ATP10A: variants seen among roughly 807,000 people sequenced by gnomAD.
The protein encoded by ATP10A is ATPase phospholipid transporting 10A (putative).
In ATP10A, 111 loss-of-function variants were observed where a neutral mutation model predicts 147.8. The ratio of observed to expected loss-of-function variants is 0.75; its 90% CI spans 0.64 to 0.88. ATP10A has a LOEUF of 0.88. ATP10A is among the 40% of genes least tolerant of loss of function. The probability of loss-of-function intolerance (pLI) is 0.00; values close to 1 mark genes in which losing one functional copy is unlikely to be tolerated. For synonymous variants in ATP10A, 875 were observed against 841.6 expected (o/e 1.04, Z -0.69); for missense variants, 1,927 against 1,959.0 (o/e 0.98, Z 0.31).
rs148653730 is a variant in ATP10A at position 25,693,638 on chromosome 15, A to G, written c.3088+1181T>C. On this transcript the variant is annotated intron_variant, in intron 14 of 20. Transcript: ENST00000555815. ...GTTTCCAGCTCCTCAGGGAAACCTG[A>G]GGGCCACCCCAGGCACATGAAGGCA... 6.8e-3 allele frequency among the ~76,000 whole-genome samples: 1,032 copies of G among 152,316 alleles called. 15 individuals carry two copies. The highest frequency in any genetic ancestry group is 0.024 in the African/African-American group (988 of 41,580).
At chr15:25,800,803 C>T (rs2140780260) in intron 1 of ATP10A, among the ~76,000 whole-genome samples, 1 of 152,286 alleles carries the variant, frequency 6.6e-6, no homozygotes, top group East Asian at 1.9e-4. Context: ...ACTATTTTAA[C>T]CATGTCTTTC....
intron 10 of ATP10A, among the ~76,000 whole-genome samples, chr15:25,711,416 A>ATGC: frequency 6.6e-6 from 1 of 152,064 alleles, no homozygotes; most frequent in African/African-American, 2.4e-5. Flanking sequence ...TCCCCAAGTA[A>ATGC]AAGGCGAATG....
At chr15:25,771,436 CT>C (rs1205640943) in intron 2 of ATP10A, among the ~76,000 whole-genome samples, 1 of 152,132 alleles carries the variant, frequency 6.6e-6, no homozygotes, top group African/African-American at 2.4e-5. Flanking sequence ...AACATTAGGT[CT>C]GCGATCTAAG....
In ATP10A at chr15:25,679,351, C is replaced by A; in HGVS notation, c.4490G>T (p.Arg1497Leu). The change falls in exon 21 of 21, where the codon CGG (arginine) becomes CTG (leucine). Residue 1497 changes from arginine to leucine, a missense_variant. Physicochemically the swap from Arg to Leu is moderately radical, Grantham distance 102. Coordinates refer to ENST00000555815, the MANE Select transcript of ATP10A (RefSeq NM_024490.4). ...HRLLIGASSR[R>L]SQ The stretch of plus-strand genomic sequence containing the variant: ...GCCATTTCAAGGTTTTCACTGTGAC[C>A]GCCTTGAAGATGCTCCTATAAGTAG... 1.3e-6 allele frequency: 2 copies of A among 1,486,784 alleles called. No individual in the cohort carries two copies. Among genetic ancestry groups the A allele is most frequent in the Non-Finnish European group, 9.0e-7 (1 of 1,110,976 alleles). 92.1% of individuals were successfully genotyped at this position (1,486,784 alleles called of 1,614,324 possible).
chr15:25,755,639 A>T (rs917856257), intron 2 of ATP10A, among the ~76,000 whole-genome samples: 39 of 152,192 alleles, frequency 2.6e-4, no homozygotes, highest in Non-Finnish European at 1.5e-4. Context: ...CCTTAAAAAC[A>T]GTCTGCCCAA....
At chr15:25,776,297 G>A (rs2140684695) in intron 2 of ATP10A, among the ~76,000 whole-genome samples, 1 of 152,302 alleles carries the variant, frequency 6.6e-6, no homozygotes, top group Admixed American at 6.5e-5. Flanking sequence ...ACGCAAAGTG[G>A]AGGAACCCGC....
chr15:25,758,916 A>AACTCATTCCGACCACCTGCTCCACCCTC (rs1567361591), intron 2 of ATP10A, among the ~76,000 whole-genome samples: 1 of 151,728 alleles, frequency 6.6e-6, no homozygotes, highest in Admixed American at 6.6e-5. Context: ...GCTCCACCCT[A>AACTCATTCCGACCACCTGCTCCACCCTC]ACTCATTCTG....
chr15:25,679,708 G>A lies in ATP10A; in HGVS notation c.4133C>T (p.Pro1378Leu). The change falls in exon 21 of 21, where the codon CCA becomes CTA. Residue 1378 changes from proline (P) to leucine (L), a missense_variant. By Grantham distance (98) the Pro-to-Leu change is moderately conservative. Transcript: ENST00000555815. ...GEPSTVDMSM[P>L]VREHTLLEGL... ...CTCCAGCAGGGTGTGCTCCCTCACTGGCATGCTCATGTCCACTGTGCTGGG... is the reference window on the plus strand; with the variant it reads ...CTCCAGCAGGGTGTGCTCCCTCACTAGCATGCTCATGTCCACTGTGCTGGG... The A allele has an allele frequency of 1.2e-6, 2 of 1,613,302 alleles. No individual in the cohort carries two copies. Among genetic ancestry groups the A allele is most frequent in the Non-Finnish European group, 8.5e-7 (1 of 1,180,012 alleles).
chr15:25,783,113 C>G (rs912831457), intron 1 of ATP10A, among the ~76,000 whole-genome samples: 1 of 152,160 alleles, frequency 6.6e-6, no homozygotes, highest in Admixed American at 6.5e-5. Context: ...GAGATCAAGG[C>G]TGCAGTGAGC....
chr15:25,688,676 A>T (rs1899836485), intron 15 of ATP10A, among the ~76,000 whole-genome samples: 1 of 152,218 alleles, frequency 6.6e-6, no homozygotes, highest in East Asian at 1.9e-4. Context: ...TGCCTTTAAC[A>T]TCTAACTGGT....
intron 1 of ATP10A, among the ~76,000 whole-genome samples, chr15:25,804,104 A>C (rs969969117): frequency 1.4e-4 from 15 of 106,822 alleles, no homozygotes; most frequent in African/African-American, 5.6e-4. Flanking sequence ...TGTGTGGTGC[A>C]TGCCTGTGAG....
At chr15:25,837,307 T>C (rs184232938) in intron 1 of ATP10A, among the ~76,000 whole-genome samples, 2 of 152,158 alleles carry the variant, frequency 1.3e-5, no homozygotes, top group Non-Finnish European at 2.9e-5. Flanking sequence ...TAAAGAAAAT[T>C]GTATATACAC....
chr15:25,688,386 C>G (rs1220347542), intron 15 of ATP10A, among the ~76,000 whole-genome samples: 1 of 152,142 alleles, frequency 6.6e-6, no homozygotes, highest in African/African-American at 2.4e-5. Flanking sequence ...ACGCCGGGTG[C>G]GGGCAGTGGC....
intron 1 of ATP10A, among the ~76,000 whole-genome samples, chr15:25,852,387 A>G (rs1301662515): frequency 6.6e-6 from 1 of 152,194 alleles, no homozygotes; most frequent in African/African-American, 2.4e-5. Flanking sequence ...TCTGCCTAGC[A>G]TCTAACTGCT....
chr15:25,820,795 A>C (rs916614406), intron 1 of ATP10A, among the ~76,000 whole-genome samples: 8 of 152,218 alleles, frequency 5.3e-5, no homozygotes, highest in South Asian at 2.1e-4. Context: ...GTTCCAGATA[A>C]ATTAAAACAT....
At chr15:25,768,001 G>A (rs571982298) in intron 2 of ATP10A, among the ~76,000 whole-genome samples, 2 of 152,346 alleles carry the variant, frequency 1.3e-5, no homozygotes, top group African/African-American at 2.4e-5. Context: ...TCCAACGGGC[G>A]CACCAGGGCT....
chr15:25,825,644 G>C (rs941162668), intron 1 of ATP10A, among the ~76,000 whole-genome samples: 1 of 152,096 alleles, frequency 6.6e-6, no homozygotes, highest in African/African-American at 2.4e-5. Context: ...ACAGGACAAA[G>C]AATACAGACC....
chr15:25,742,938 C>A (rs1425440291), intron 2 of ATP10A, among the ~76,000 whole-genome samples: 3 of 152,236 alleles, frequency 2.0e-5, no homozygotes, highest in African/African-American at 7.2e-5. Context: ...CCACTTAGTG[C>A]CTCTTCCATC....
intron 1 of ATP10A, among the ~76,000 whole-genome samples, chr15:25,856,441 T>G (rs981782951): frequency 1.9e-4 from 29 of 152,214 alleles, no homozygotes; most frequent in African/African-American, 7.0e-4. Context: ...TTACCCAGTC[T>G]TGGGTATTTC....
Sources: allele counts gnomAD v4.1 joint callset (sites outside exome capture counted in the v4.1 genomes callset), GRCh38; gene constraint gnomAD v4.1.1; transcripts MANE v1.5; gene names NCBI Gene and HGNC (gene_info 2026-07-23, HGNC 2026-07-21).